The following BTBD8 variants were observed in gnomAD, a reference collection of about 807,000 sequenced individuals.
The protein encoded by BTBD8 is BTB/POZ domain-containing protein 8.
A neutral mutation model predicts 162.9 loss-of-function variants in BTBD8; 110 were observed. The observed-to-expected ratio is 0.68, with a 90% confidence interval of 0.58 to 0.79. The LOEUF is 0.79. Ranked by LOEUF, BTBD8 falls within the 30% of genes least tolerant of loss-of-function variation. The probability of loss-of-function intolerance (pLI) is 0.00; values close to 1 mark genes in which losing one functional copy is unlikely to be tolerated. For synonymous variants in BTBD8, 667 were observed against 716.1 expected (o/e 0.93, Z 1.10); for missense variants, 1,905 against 2,085.4 (o/e 0.91, Z 1.68).
chr1:92,120,969 G>T (rs1649192105), intron 4 of BTBD8, among the ~76,000 whole-genome samples: 2 of 152,016 alleles, frequency 1.3e-5, no homozygotes, highest in Admixed American at 1.3e-4. Flanking sequence ...TGCCACATTG[G>T]CCAGGCTGGT....
intron 4 of BTBD8, among the ~76,000 whole-genome samples, chr1:92,128,861 C>G (rs1649434550): frequency 6.6e-6 from 1 of 152,062 alleles, no homozygotes; most frequent in African/African-American, 2.4e-5. Context: ...TTATTGGTCA[C>G]CTCTCCTACC....
rs1448046225 is a variant in BTBD8, at chr1:92,182,515, G to A, written c.4832G>A (p.Ser1611Asn). 9 of 1,548,224 alleles carry A rather than the reference G, an allele frequency of 5.8e-6. No homozygotes were observed. In the East Asian group the frequency reaches 2.2e-4, roughly 38 times the overall value. Reference sequence around the variant, plus strand: ...ACAAAATCTCTAGACTCCTTTCGGAGTCAAGTTCTGCCTCAGGAAGGTCCA... The same window carrying A: ...ACAAAATCTCTAGACTCCTTTCGGAATCAAGTTCTGCCTCAGGAAGGTCCA... ...SSTKSLDSFRSQVLPQEGPVK... is the reference protein window; with the variant it reads ...SSTKSLDSFRNQVLPQEGPVK... The change falls in exon 17 of 18, where the codon AGT becomes AAT. Residue 1611 changes from serine (S) to asparagine (N), a missense_variant. Transcript: ENST00000636805.
chr1:92,147,696 G>T lies in BTBD8; in HGVS notation c.1032G>T (p.Lys344Asn). The T allele has an allele frequency of 6.2e-7, 1 of 1,607,926 alleles. No individual in the cohort carries two copies. Residue 344 changes from lysine to asparagine, a missense_variant, in exon 9 of 18, where the codon AAG becomes AAT. By Grantham distance (94) the Lys-to-Asn change is moderately conservative. Around this residue, in one of 3 missense-constraint regions of BTBD8, gnomAD observed 1,374 missense variants for 1,442.7 expected, o/e 0.95. Coordinates refer to ENST00000636805, the MANE Select transcript of BTBD8 (RefSeq NM_001376131.1). ...TTTATTTTAACAGGTGGATTGTAAAGCATTTTGCAAGGTTTTGGTCTGAGA... is the reference window on the plus strand; with the variant it reads ...TTTATTTTAACAGGTGGATTGTAAATCATTTTGCAAGGTTTTGGTCTGAGA... ...LFADCMKWIV[K>N]HFARFWSERS...
At position 92,143,758 on chromosome 1, in the gene BTBD8, C is replaced by T. The variant is rs373102815; in HGVS notation, c.930+2547C>T. The stretch of plus-strand genomic sequence containing the variant: ...AACTCCTGACCTCAGGTGATCCACC[C>T]ACCTTGCCCTCCCAAAGTGCTGGGA... On this transcript the variant is annotated intron_variant, in intron 7 of 17. Coordinates refer to ENST00000636805, the MANE Select transcript of BTBD8 (RefSeq NM_001376131.1). 1.1e-4 allele frequency among the ~76,000 whole-genome samples: 17 copies of T among 151,762 alleles called. No homozygotes were observed. In the East Asian group the frequency reaches 2.7e-3, roughly 24 times the overall value.
intron 4 of BTBD8, among the ~76,000 whole-genome samples, chr1:92,109,252 C>CTTTTTTTTT (rs77374096): frequency 8.1e-6 from 1 of 123,984 alleles, no homozygotes; most frequent in African/African-American, 2.9e-5. Flanking sequence ...GTCTTGTTTT[C>CTTTTTTTTT]TTTTTTTTTT....
chr1:92,114,011 C>CAAAAA (rs35277981), intron 4 of BTBD8, among the ~76,000 whole-genome samples: 1 of 95,000 alleles, frequency 1.1e-5, no homozygotes, highest in Admixed American at 1.1e-4. Flanking sequence ...GACTCCGTCT[C>CAAAAA]AAAAAAAAAA....
At chr1:92,148,713 A>G (rs369495560) in intron 9 of BTBD8, among the ~76,000 whole-genome samples, 10 of 152,188 alleles carry the variant, frequency 6.6e-5, no homozygotes, top group African/African-American at 2.4e-4. Context: ...GGCTCTGCTG[A>G]TTTATAAGTC....
At chr1:92,084,720 TG>T (rs1233399432) in intron 1 of BTBD8, among the ~76,000 whole-genome samples, 2 of 152,190 alleles carry the variant, frequency 1.3e-5, no homozygotes, top group Non-Finnish European at 2.9e-5. Flanking sequence ...TTGCTGGCTC[TG>T]GGTCTCTTCA....
intron 7 of BTBD8, among the ~76,000 whole-genome samples, chr1:92,146,288 T>A (rs1438025220): frequency 2.0e-5 from 3 of 150,838 alleles, no homozygotes; most frequent in East Asian, 1.9e-4. Flanking sequence ...TAACAGACTT[T>A]AAAAAAAAAC....
intron 9 of BTBD8, among the ~76,000 whole-genome samples, chr1:92,155,912 G>A (rs904485466): frequency 5.3e-5 from 8 of 152,102 alleles, no homozygotes; most frequent in African/African-American, 1.9e-4. Context: ...CAGTTTGGAT[G>A]CCTTATTATT....
At chr1:92,118,937 T>C (rs1183305960) in intron 4 of BTBD8, among the ~76,000 whole-genome samples, 1 of 151,338 alleles carries the variant, frequency 6.6e-6, no homozygotes, top group Admixed American at 6.6e-5. Flanking sequence ...TTTCTTACTT[T>C]CTGGCACTGA....
Position 92,141,096 on chromosome 1 carries a change from G to A in BTBD8, c.834-19G>A, listed in dbSNP as rs1649765513. Reference sequence around the variant, plus strand: ...ATTTTTAAATTGGAGAATTAACAGTGCATCTATTTTTATTTTAGTCAGATA... The same window carrying A: ...ATTTTTAAATTGGAGAATTAACAGTACATCTATTTTTATTTTAGTCAGATA... On this transcript the variant is annotated intron_variant, in intron 6 of 17. Transcript: ENST00000636805. The A allele has an allele frequency of 6.5e-7, 1 of 1,527,800 alleles. No individual in the cohort carries two copies. The highest frequency in any genetic ancestry group is 2.2e-5 in the Admixed American group (1 of 45,412). The allele number at this position is 1,527,800 out of a possible 1,614,324, so 94.6% of individuals were successfully genotyped here. A position where few individuals can be genotyped will look rare whatever the true frequency, so the allele number is the denominator to read the frequency against.
At chr1:92,121,449 T>G (rs532421221) in intron 4 of BTBD8, among the ~76,000 whole-genome samples, 272 of 152,308 alleles carry the variant, frequency 1.8e-3, no homozygotes, top group African/African-American at 5.9e-3. Context: ...TTGAGTAAGA[T>G]TGATTTTTTT....
chr1:92,165,932 C>T (rs957999356), intron 9 of BTBD8, among the ~76,000 whole-genome samples: 3 of 152,126 alleles, frequency 2.0e-5, no homozygotes, highest in African/African-American at 7.2e-5. Flanking sequence ...CCATATTTTT[C>T]AATTTACCAG....
intron 9 of BTBD8, among the ~76,000 whole-genome samples, chr1:92,153,112 A>G (rs1016945972): frequency 7.3e-6 from 1 of 136,468 alleles, no homozygotes; most frequent in African/African-American, 2.7e-5. Context: ...TAATAGGTAC[A>G]TGCAATATTA....
At chr1:92,111,074 C>T (rs1320060444) in intron 4 of BTBD8, among the ~76,000 whole-genome samples, 6 of 151,828 alleles carry the variant, frequency 4.0e-5, no homozygotes, top group Non-Finnish European at 4.4e-5. Context: ...TCACTGCAAC[C>T]TCTGCCCCCC....
At chr1:92,170,634 T>C (rs1452223118) in intron 12 of BTBD8, among the ~76,000 whole-genome samples, 3 of 152,150 alleles carry the variant, frequency 2.0e-5, no homozygotes. Flanking sequence ...AAAAATCAAA[T>C]AATTTTCAGA....
intron 13 of BTBD8, among the ~76,000 whole-genome samples, chr1:92,176,115 A>C (rs1304023946): frequency 6.6e-6 from 1 of 152,294 alleles, no homozygotes; most frequent in African/African-American, 2.4e-5. Context: ...TTTTAAAAAA[A>C]AATTTTTTTA....
chr1:92,169,575 A>T (rs972978848), intron 12 of BTBD8, among the ~76,000 whole-genome samples: 17 of 151,510 alleles, frequency 1.1e-4, no homozygotes, highest in African/African-American at 3.9e-4. Flanking sequence ...ACATGTGTTT[A>T]AAAAAAATAT....
Sources: allele counts gnomAD v4.1 joint callset (sites outside exome capture counted in the v4.1 genomes callset), GRCh38; gene constraint gnomAD v4.1.1; regional missense constraint gnomAD v4.1.1; transcripts MANE v1.5; gene names NCBI Gene and HGNC (gene_info 2026-07-23, HGNC 2026-07-21).